Variants in AFG2A observed in about 807,000 individuals in gnomAD.
The protein encoded by AFG2A is AAA ATPase AFG2A, also known as ATPase family gene 2 protein homolog A.
chr4:123,301,737 CT>C, the AFG2A span, among the ~76,000 whole-genome samples: 5 of 152,282 alleles, frequency 3.3e-5, no homozygotes, highest in East Asian at 7.7e-4. Context: ...TTTTTTCCCC[CT>C]GTTTAACACA....
chr4:123,079,858 T>C, the AFG2A span, among the ~76,000 whole-genome samples: 1 of 149,224 alleles, frequency 6.7e-6, no homozygotes, highest in African/African-American at 2.5e-5. Context: ...CAAGCGATTC[T>C]CCTGCCTCAG....
chr4:123,015,900 GGCA>G, the AFG2A span, among the ~76,000 whole-genome samples: 1 of 55,232 alleles, frequency 1.8e-5, no homozygotes, highest in Non-Finnish European at 5.1e-5. Flanking sequence ...CGGCTGGCCG[GGCA>G]GAGGGGCTCC....
the AFG2A span, chr4:122,923,129 G>C: frequency 1.2e-6 from 2 of 1,614,110 alleles, no homozygotes; most frequent in Non-Finnish European, 1.7e-6. Context: ...CTTCGGCTAG[G>C]GTACCTTGTG....
chr4:123,102,087 C>T, the AFG2A span: 1 of 151,816 alleles, frequency 6.6e-6, no homozygotes, highest in Non-Finnish European at 1.5e-5. Context: ...CAGAGACAGA[C>T]AAGAATAGAG....
the AFG2A span, among the ~76,000 whole-genome samples, chr4:122,977,839 T>G: frequency 6.6e-6 from 1 of 152,222 alleles, no homozygotes; most frequent in Non-Finnish European, 1.5e-5. Flanking sequence ...CAGGTCGTCC[T>G]GATGAGCGTC....
the AFG2A span, among the ~76,000 whole-genome samples, chr4:123,012,263 G>A: frequency 6.9e-6 from 1 of 145,262 alleles, no homozygotes; most frequent in Non-Finnish European, 1.5e-5. Context: ...AGTGGAAAAG[G>A]GGTAGAGACA....
chr4:122,947,151 G>T, the AFG2A span: 1 of 1,366,906 alleles, frequency 7.3e-7, no homozygotes, highest in Non-Finnish European at 9.7e-7. Flanking sequence ...TTTCATCCTT[G>T]TCTATACAGC....
the AFG2A span, among the ~76,000 whole-genome samples, chr4:123,190,939 G>A: frequency 5.9e-5 from 9 of 152,156 alleles, no homozygotes; most frequent in African/African-American, 2.2e-4. Flanking sequence ...GCCTGGAACA[G>A]TGTAGAGATT....
At chr4:123,311,579 A>T in the AFG2A span, among the ~76,000 whole-genome samples, 1 of 143,730 alleles carries the variant, frequency 7.0e-6, no homozygotes, top group South Asian at 2.3e-4. Context: ...GGGAGCCGAG[A>T]TTACGCCACT....
the AFG2A span, among the ~76,000 whole-genome samples, chr4:123,213,038 GTTT>G: frequency 6.6e-6 from 1 of 152,088 alleles, no homozygotes; most frequent in Non-Finnish European, 1.5e-5. Flanking sequence ...CCTCAAAAGA[GTTT>G]TTACTTGGAC....
At chr4:123,121,532 T>C in the AFG2A span, among the ~76,000 whole-genome samples, 3 of 152,208 alleles carry the variant, frequency 2.0e-5, no homozygotes, top group Non-Finnish European at 4.4e-5. Flanking sequence ...TTATACATTA[T>C]TTTTACTGTG....
At chr4:123,273,934 C>A in the AFG2A span, among the ~76,000 whole-genome samples, 3 of 152,082 alleles carry the variant, frequency 2.0e-5, no homozygotes, top group South Asian at 6.2e-4. Flanking sequence ...ATCTCTTAGT[C>A]TTCTGGCTTT....
the AFG2A span, among the ~76,000 whole-genome samples, chr4:123,068,081 A>G: frequency 0.045 from 6,804 of 152,286 alleles, 292 homozygotes; most frequent in South Asian, 0.15. Flanking sequence ...CTTATATATT[A>G]GCTGTACATT....
the AFG2A span, among the ~76,000 whole-genome samples, chr4:123,218,640 T>TATACATACATAC: frequency 5.4e-5 from 8 of 147,704 alleles, no homozygotes; most frequent in East Asian, 2.0e-4. Context: ...CATAAACACA[T>TATACATACATAC]ATACATACAT....
chr4:122,966,055 A>G, the AFG2A span, among the ~76,000 whole-genome samples: 1 of 152,230 alleles, frequency 6.6e-6, no homozygotes, highest in Non-Finnish European at 1.5e-5. Context: ...CATTAGTATT[A>G]TAGCTCCAAG....
chr4:123,016,629 C>T, the AFG2A span, among the ~76,000 whole-genome samples: 1 of 151,006 alleles, frequency 6.6e-6, no homozygotes, highest in Middle Eastern at 3.2e-3. Flanking sequence ...ACGCTCCTCA[C>T]TTTCCAGACT....
the AFG2A span, among the ~76,000 whole-genome samples, chr4:123,313,221 C>G: frequency 0.013 from 1,950 of 152,222 alleles, 49 homozygotes; most frequent in African/African-American, 0.045. Context: ...CCATTCCGCC[C>G]CCTCCCCAGA....
At chr4:123,206,443 A>T in the AFG2A span, among the ~76,000 whole-genome samples, 1 of 152,136 alleles carries the variant, frequency 6.6e-6, no homozygotes. Flanking sequence ...ACAGGAAAAC[A>T]CCTGATTAGT....
At chr4:123,182,451 A>G in the AFG2A span, among the ~76,000 whole-genome samples, 1 of 152,186 alleles carries the variant, frequency 6.6e-6, no homozygotes, top group East Asian at 1.9e-4. Context: ...GAATATAGAT[A>G]ATGAAGCTCT....
Sources: allele counts gnomAD v4.1 joint callset (sites outside exome capture counted in the v4.1 genomes callset), GRCh38; gene constraint gnomAD v4.1.1; transcripts MANE v1.5; gene names NCBI Gene and HGNC (gene_info 2026-07-23, HGNC 2026-07-21).